Variants in CEACAM1 observed in about 807,000 individuals in gnomAD.
CEACAM1 encodes the protein cell adhesion molecule CEACAM1.
CEACAM1 carries 31 observed loss-of-function variants against 49.1 expected under a neutral mutation model. The ratio of observed to expected loss-of-function variants is 0.63; its 90% confidence interval spans 0.47 to 0.85. The LOEUF is 0.85. Among genes scored for constraint, CEACAM1 ranks in the 40% least tolerant of loss-of-function variants. The pLI, the probability that CEACAM1 is intolerant of heterozygous loss-of-function variation, is 0.00. For missense variants in CEACAM1, 570 were observed against 645.3 expected, an observed-to-expected ratio of 0.88 and a Z score of 1.26; for synonymous variants, 244 against 247.8, an observed-to-expected ratio of 0.98 and a Z score of 0.14.
intron 2 of CEACAM1, among the ~76,000 whole-genome samples, chr19:42,523,373 A>G (rs536956107): frequency 6.8e-4 from 103 of 152,334 alleles, no homozygotes; most frequent in Middle Eastern, 3.4e-3. Context: ...AAGGTGGGGC[A>G]GTTTTTCCCA....
At chr19:42,518,776 A>AG in intron 5 of CEACAM1, 172 bp downstream of exon 5, 1 of 739,202 alleles carries the variant, frequency 1.4e-6, no homozygotes, top group East Asian at 2.5e-5. Context: ...CTGGGATTAC[A>AG]GGCGTGAGCC....
intron 5 of CEACAM1, 92 bp downstream of exon 5, chr19:42,518,856 A>T: frequency 7.2e-7 from 1 of 1,395,288 alleles, no homozygotes; most frequent in African/African-American, 1.4e-5. Context: ...CTCTTCATTG[A>T]TATTCTGCCT....
intron 5 of CEACAM1, among the ~76,000 whole-genome samples, chr19:42,513,027 C>T (rs1044264266): frequency 3.3e-5 from 5 of 152,180 alleles, no homozygotes; most frequent in African/African-American, 9.7e-5. Context: ...GGCTTTTCTG[C>T]GCTCAGCCAT....
chr19:42,517,781 C>T (rs28828769), intron 5 of CEACAM1, among the ~76,000 whole-genome samples: 4 of 152,130 alleles, frequency 2.6e-5, no homozygotes, highest in African/African-American at 4.8e-5. Flanking sequence ...GATGGTTCTT[C>T]AAAATTAAAC....
chr19:42,526,245 C>T (rs192490246), intron 2 of CEACAM1, among the ~76,000 whole-genome samples: 18 of 152,278 alleles, frequency 1.2e-4, no homozygotes, highest in Non-Finnish European at 2.2e-4. Flanking sequence ...CGTGAGCCAC[C>T]GCTCCCGGCC....
chr19:42,519,046 A>G lies in CEACAM1; in HGVS notation c.1148T>C (p.Ile383Thr), dbSNP rs1360976318. Residue 383 changes from isoleucine to threonine, a missense_variant, in exon 5 of 9, where the codon ATA becomes ACA. By Grantham distance (89) the Ile-to-Thr change is moderately conservative (BLOSUM62 -1). Coordinates refer to ENST00000161559, the MANE Select transcript of CEACAM1 (RefSeq NM_001712.5). The stretch of plus-strand genomic sequence containing the variant: ...AGCATCCTCCCTCTTGACAGGGTTT[A>G]TGCTGAGGGTGGTGTTGCCCTGGGA... The part of the protein sequence containing the change: ...KLSQGNTTLS[I>T]NPVKREDAGT... 1 of 1,611,696 alleles carries G rather than the reference A, an allele frequency of 6.2e-7. No individual in the cohort carries two copies. The highest frequency in any genetic ancestry group is 1.3e-5 in the African/African-American group (1 of 74,762).
rs142456854 is a variant in CEACAM1, at chr19:42,515,765, G to T, written c.1246+3183C>A. On this transcript the variant is annotated intron_variant, in intron 5 of 8. Coordinates refer to ENST00000161559, the MANE Select transcript of CEACAM1 (RefSeq NM_001712.5). Reference sequence around the variant, plus strand: ...GATTCAAATTACTAAAGTCAGAAATGAAAGTAAAACATTACTACTAATTCT... The same window carrying T: ...GATTCAAATTACTAAAGTCAGAAATTAAAGTAAAACATTACTACTAATTCT... 2.3e-4 allele frequency among the ~76,000 whole-genome samples: 35 copies of T among 152,236 alleles called. 1 individual carries two copies. Among genetic ancestry groups the T allele is most frequent in the African/African-American group, 7.9e-4 (33 of 41,552 alleles).
In CEACAM1 at chr19:42,528,366, G is replaced by A. The variant is rs777064950; in HGVS notation, c.9C>T (p.His3=). The part of the protein sequence containing the change: MG[H]LSAPLHRVRV... ...GCACTCTGTGAAGTGGGGCTGAGAG[G>A]TGCCCCATGGTGTCTCCTGCTGGCC... Residue 3 remains histidine, a synonymous_variant, in exon 1 of 9, where the codon CAC becomes CAT. Transcript: ENST00000161559. The A allele has an allele frequency of 6.2e-7, 1 of 1,613,818 alleles. No homozygotes were observed. The highest frequency in any genetic ancestry group is 8.5e-7 in the Non-Finnish European group (1 of 1,179,882).
chr19:42,509,061 T>C lies in CEACAM1; in HGVS notation c.*48A>G. On this transcript the variant is annotated 3_prime_UTR_variant, in exon 9 of 9. Transcript: ENST00000161559. ...GAAAGGAATCTCCTAGTGATGAGGG[T>C]GAGAGACTTGAAATACATCAGCACT... is the stretch of plus-strand genomic sequence containing the variant. The C allele has an allele frequency of 6.2e-7, 1 of 1,610,932 alleles. No individual in the cohort carries two copies. Among genetic ancestry groups the C allele is most frequent in the African/African-American group, 1.3e-5 (1 of 74,930 alleles).
Position 42,527,022 on chromosome 19 carries a change from G to A in CEACAM1, c.424+19C>T. ...AGAACTAACCCCCCAACACCCAGAGGTCATGGGGAAATACTCACGGTATAC... is the reference window on the plus strand; with the variant it reads ...AGAACTAACCCCCCAACACCCAGAGATCATGGGGAAATACTCACGGTATAC... On this transcript the variant is annotated intron_variant, in intron 2 of 8. Transcript: ENST00000161559. 1 of 1,582,850 alleles carries A rather than the reference G, an allele frequency of 6.3e-7. No homozygotes were observed. Among genetic ancestry groups the A allele is most frequent in the South Asian group, 1.2e-5 (1 of 83,772 alleles).
At chr19:42,513,915 T>TATATATATATATATATATATAAATAA (rs1432939598) in intron 5 of CEACAM1, among the ~76,000 whole-genome samples, 19 of 129,786 alleles carry the variant, frequency 1.5e-4, no homozygotes, top group African/African-American at 6.6e-4. Flanking sequence ...TATATATATA[T>TATATATATATATATATATATAAATAA]ATAATATATA....
Position 42,527,221 on chromosome 19 carries a change from A to G in CEACAM1, c.244T>C (p.Tyr82His). The G allele has an allele frequency of 5.0e-6, 8 of 1,613,948 alleles. No individual in the cohort carries two copies. Among genetic ancestry groups the G allele is most frequent in the Non-Finnish European group, 5.9e-6 (7 of 1,179,962 alleles). Residue 82 changes from tyrosine (Y) to histidine (H), a missense_variant, in exon 2 of 9, where the codon TAT becomes CAT. Tyr to His is a moderately conservative substitution (Grantham distance 83, BLOSUM62 2). Coordinates refer to ENST00000161559, the MANE Select transcript of CEACAM1 (RefSeq NM_001712.5). ...RVDGNRQIVGYAIGTQQATPG... is the reference protein window; with the variant it reads ...RVDGNRQIVGHAIGTQQATPG... ...GTAGCTTGTTGAGTTCCTATTGCAT[A>G]TCCTACAATTTGACGGTTGCCATCC...
intron 1 of CEACAM1, 104 bp from the exon 2 acceptor site, chr19:42,527,504 A>AGTGTGTGT (rs3038002): frequency 0.011 from 8,094 of 714,742 alleles, 59 homozygotes; most frequent in East Asian, 0.018. Flanking sequence ...TCCACCTTGG[A>AGTGTGTGT]GTGTGTGTGT....
chr19:42,520,894 T>G, intron 4 of CEACAM1: 1 of 237,504 alleles, frequency 4.2e-6, no homozygotes, highest in South Asian at 6.9e-5. Flanking sequence ...CACATATTCC[T>G]TATATCTCAT....
chr19:42,515,833 T>A (rs547966279), intron 5 of CEACAM1, among the ~76,000 whole-genome samples: 33 of 152,322 alleles, frequency 2.2e-4, no homozygotes, highest in Admixed American at 2.2e-3. Context: ...AGTAATTGAA[T>A]GCCAACAAAT....
At chr19:42,521,137 A>C in intron 4 of CEACAM1, 130 bp downstream of exon 4, 1 of 953,986 alleles carries the variant, frequency 1.0e-6, no homozygotes, top group Non-Finnish European at 1.6e-6. Context: ...GAGAGGGTTC[A>C]GGGGAGAATT....
intron 5 of CEACAM1, 51 bp from the exon 6 acceptor site, chr19:42,512,530 A>G (rs202007402): frequency 1.5e-4 from 238 of 1,556,842 alleles, no homozygotes; most frequent in African/African-American, 1.6e-4. Flanking sequence ...TTATTTTACA[A>G]TGGGGGCTGG....
chr19:42,521,743 C>T (rs1486558189), intron 3 of CEACAM1, among the ~76,000 whole-genome samples, 181 bp downstream of exon 3: 1 of 152,216 alleles, frequency 6.6e-6, no homozygotes, highest in African/African-American at 2.4e-5. Flanking sequence ...CCTCTCCCCT[C>T]CTATTCTTGG....
At position 42,528,366 on chromosome 19, in the gene CEACAM1, G is replaced by C. The variant is rs777064950; in HGVS notation, c.9C>G (p.His3Gln). The C allele has an allele frequency of 1.6e-5, 26 of 1,613,700 alleles. No individual in the cohort carries two copies. In the South Asian group the frequency reaches 2.6e-4, roughly 16 times the overall value. Reference protein sequence around the residue: MGHLSAPLHRVRV... With the variant: MGQLSAPLHRVRV... Reference sequence around the variant, plus strand: ...GCACTCTGTGAAGTGGGGCTGAGAGGTGCCCCATGGTGTCTCCTGCTGGCC... The same window carrying C: ...GCACTCTGTGAAGTGGGGCTGAGAGCTGCCCCATGGTGTCTCCTGCTGGCC... Residue 3 changes from histidine (H) to glutamine (Q), a missense_variant, in exon 1 of 9, where the codon CAC becomes CAG. Transcript: ENST00000161559.
Sources: allele counts gnomAD v4.1 joint callset (sites outside exome capture counted in the v4.1 genomes callset), GRCh38; gene constraint gnomAD v4.1.1; transcripts MANE v1.5; gene names NCBI Gene and HGNC (gene_info 2026-07-23, HGNC 2026-07-21).